DYNC2I1: variants seen among roughly 807,000 people sequenced by gnomAD.
The protein encoded by DYNC2I1 is dynein 2 intermediate chain 1.
A neutral mutation model predicts 133.4 loss-of-function variants in DYNC2I1; 89 were observed. The ratio of observed to expected loss-of-function variants is 0.67; its 90% CI spans 0.56 to 0.80. The LOEUF (loss-of-function observed/expected upper bound fraction) is 0.80. DYNC2I1 is among the 30% of genes least tolerant of loss of function. The pLI is 0.00. For synonymous variants in DYNC2I1, 504 were observed against 484.3 expected, an observed-to-expected ratio of 1.04 and a Z score of -0.54; for missense variants, 1,291 against 1,314.5, an observed-to-expected ratio of 0.98 and a Z score of 0.28.
the DYNC2I1 span, among the ~76,000 whole-genome samples, chr7:158,850,505 T>TGGTG: frequency 6.6e-6 from 1 of 152,268 alleles, no homozygotes; most frequent in African/African-American, 2.4e-5. Context: ...CAGGCCTCCC[T>TGGTG]GCTGCAGCTG....
intron 1 of DYNC2I1, among the ~76,000 whole-genome samples, chr7:158,867,948 G>A (rs963290855): frequency 3.3e-5 from 5 of 152,058 alleles, no homozygotes; most frequent in East Asian, 3.9e-4. Flanking sequence ...GCAACATGGC[G>A]GAACTCCATC....
chr7:158,857,483 A>G (rs1584921759), intron 1 of DYNC2I1, among the ~76,000 whole-genome samples: 1 of 144,414 alleles, frequency 6.9e-6, no homozygotes, highest in African/African-American at 2.6e-5. Flanking sequence ...ACTTACCTTT[A>G]TGTGTTGAAT....
At chr7:158,856,786 G>C (rs1442901858) in intron 1 of DYNC2I1, 36 bp downstream of exon 1, 1 of 1,232,856 alleles carries the variant, frequency 8.1e-7, no homozygotes, top group African/African-American at 1.6e-5. Flanking sequence ...AGGGGTGGTC[G>C]AGCTTCGCGG....
In DYNC2I1 at chr7:158,922,372, C is replaced by T. The variant is rs765555311; in HGVS notation, c.1922-5C>T. On this transcript the variant is annotated splice_region_variant and splice_polypyrimidine_tract_variant and intron_variant, in intron 15 of 24. Coordinates refer to ENST00000407559, the MANE Select transcript of DYNC2I1 (RefSeq NM_018051.5). ...GAAATGTGAACATATTTTTCTTCTC[C>T]CTAGATCGAAAAGTATCCTCCTTGC... 1.2e-6 allele frequency: 2 copies of T among 1,608,740 alleles called. No homozygotes were observed. The highest frequency in any genetic ancestry group is 2.8e-5 in the African/African-American group (2 of 71,956).
chr7:158,884,886 T>C (rs1257276173), intron 6 of DYNC2I1, among the ~76,000 whole-genome samples: 1 of 152,222 alleles, frequency 6.6e-6, no homozygotes, highest in East Asian at 1.9e-4. Context: ...TTAATATTAT[T>C]GTTTGTATTT....
At position 158,871,229 on chromosome 7, in the gene DYNC2I1, A is replaced by G. The variant is rs763773053; in HGVS notation, c.157A>G (p.Lys53Glu). The change falls in exon 3 of 25, where the codon AAG (lysine) becomes GAG (glutamate). Residue 53 changes from lysine (K) to glutamate (E), a missense_variant. Transcript: ENST00000407559. ...KESEMDLPEHKEPRCRDPDQD... is the reference protein window; with the variant it reads ...KESEMDLPEHEEPRCRDPDQD... ...GTCTGAGATGGACCTTCCTGAACAT[A>G]AGGAGCCGAGGTGCAGGGATCCCGA... 3 of 1,613,328 alleles carry G rather than the reference A, an allele frequency of 1.9e-6. No homozygotes were observed. Among genetic ancestry groups the G allele is most frequent in the South Asian group, 2.2e-5 (2 of 90,946 alleles).
Position 158,867,679 on chromosome 7 carries a change from C to T in DYNC2I1, c.16-2176C>T, listed in dbSNP as rs139403535. On this transcript the variant is annotated intron_variant, in intron 1 of 24. Coordinates refer to ENST00000407559, the MANE Select transcript of DYNC2I1 (RefSeq NM_018051.5). ...GGGGGACGTTAGGGTGCAGTCCTCA[C>T]GCTCTCTGAAGGTTGCGTTGGGCTG... Among the ~76,000 whole-genome samples the T allele has an allele frequency of 9.0e-3, 1,372 of 152,186 alleles. 13 individuals carry two copies. The highest frequency in any genetic ancestry group is 0.014 in the South Asian group (66 of 4,822).
downstream of DYNC2I1, chr7:158,946,285 C>A (rs1046669685): frequency 6.6e-6 from 1 of 152,344 alleles, no homozygotes; most frequent in Admixed American, 6.5e-5. Flanking sequence ...ACACGTTTTC[C>A]ATTAGTACTA....
the DYNC2I1 span, among the ~76,000 whole-genome samples, chr7:158,839,701 TC>T: frequency 6.6e-6 from 1 of 152,012 alleles, no homozygotes; most frequent in African/African-American, 2.4e-5. Context: ...GCGCCTGTAG[TC>T]CCAGCTACTC....
chr7:158,949,273 C>T (rs1851980136), downstream of DYNC2I1, among the ~76,000 whole-genome samples: 1 of 152,258 alleles, frequency 6.6e-6, no homozygotes, highest in Non-Finnish European at 1.5e-5. Flanking sequence ...CACACACAGT[C>T]CTGAATGCGG....
chr7:158,957,283 C>G (rs1852221669), downstream of DYNC2I1, among the ~76,000 whole-genome samples: 1 of 152,264 alleles, frequency 6.6e-6, no homozygotes, highest in African/African-American at 2.4e-5. Flanking sequence ...CTCTGCGGCG[C>G]TGGCCTCAGG....
intron 1 of DYNC2I1, 135 bp from the exon 2 acceptor site, chr7:158,869,720 A>G: frequency 1.6e-6 from 1 of 635,240 alleles, no homozygotes; most frequent in South Asian, 2.2e-5. Flanking sequence ...CTTTTATTCC[A>G]GGAGGTAGAG....
intron 20 of DYNC2I1, among the ~76,000 whole-genome samples, chr7:158,928,749 TG>T (rs1374757338): frequency 6.8e-6 from 1 of 146,770 alleles, no homozygotes; most frequent in Non-Finnish European, 1.5e-5. Context: ...GGTCACGGGA[TG>T]GGTTAGTGAT....
At chr7:158,921,311 G>A (rs36001004) in intron 15 of DYNC2I1, among the ~76,000 whole-genome samples, 22,618 of 152,046 alleles carry the variant, frequency 0.15, 1,835 homozygotes, top group Non-Finnish European at 0.17. Context: ...GGGTAGAAGC[G>A]AGGAGACCAC....
In DYNC2I1 at chr7:158,945,345, C is replaced by T. The variant is rs1322304339; in HGVS notation, c.3003-236C>T. On this transcript the variant is annotated intron_variant, in intron 24 of 24. Coordinates refer to ENST00000407559, the MANE Select transcript of DYNC2I1 (RefSeq NM_018051.5). The surrounding 1 kb of genome is among the most constrained non-coding windows in gnomAD (Gnocchi z 4.1). Reference sequence around the variant, plus strand: ...GCTACTGACTCCCGGCCTGAGGAGACAGCAGCACGTCCTCATCACTTACCT... The same window carrying T: ...GCTACTGACTCCCGGCCTGAGGAGATAGCAGCACGTCCTCATCACTTACCT... 6.6e-6 allele frequency among the ~76,000 whole-genome samples: 1 copy of T among 152,196 alleles called. No individual in the cohort carries two copies. Among genetic ancestry groups the T allele is most frequent in the South Asian group, 2.1e-4 (1 of 4,826 alleles).
At position 158,896,856 on chromosome 7, in the gene DYNC2I1, T is replaced by C. The variant is rs1279163093; in HGVS notation, c.1060-4883T>C. ...TTTGCATCTGTATTCGTGAATGATA[T>C]TGGTCTGTAGTTTTTTTTTTTTTTC... On this transcript the variant is annotated intron_variant, in intron 8 of 24. Coordinates refer to ENST00000407559, the MANE Select transcript of DYNC2I1 (RefSeq NM_018051.5). Among the ~76,000 whole-genome samples, 4 of 139,394 alleles carry C rather than the reference T, an allele frequency of 2.9e-5. No individual in the cohort carries two copies. In the East Asian group the frequency reaches 9.6e-4, roughly 34 times the overall value. 91.4% of individuals were successfully genotyped at this position (139,394 alleles called of 152,430 possible).
At chr7:158,871,772 G>T (rs1188971) in intron 3 of DYNC2I1, among the ~76,000 whole-genome samples, 22,655 of 152,096 alleles carry the variant, frequency 0.15, 1,898 homozygotes, top group Middle Eastern at 0.24. Context: ...CTGGGCTCAA[G>T]GGATCCTCCC....
At chr7:158,949,744 T>A (rs188394287), downstream of DYNC2I1, among the ~76,000 whole-genome samples, 1 of 150,500 alleles carries the variant, frequency 6.6e-6, no homozygotes, top group East Asian at 2.0e-4. Context: ...TAAGGATGCT[T>A]AAGAATCAAG....
intron 21 of DYNC2I1, among the ~76,000 whole-genome samples, chr7:158,931,429 A>G (rs1405025560): frequency 1.3e-5 from 2 of 152,214 alleles, no homozygotes; most frequent in Non-Finnish European, 2.9e-5. Flanking sequence ...ATTATGAAAG[A>G]GAATCAATTA....
Sources: gnomAD v4.1 joint callset for allele counts (sites outside exome capture counted in the v4.1 genomes callset) on GRCh38, gnomAD v4.1.1 for gene constraint, Gnocchi (gnomAD v3.1) non-coding constraint, MANE v1.5 for transcripts, NCBI Gene and HGNC (gene_info 2026-07-23, HGNC 2026-07-21) for gene names.